The following DIAPH1 variants were observed in gnomAD, a reference collection of about 807,000 sequenced individuals.
The protein encoded by DIAPH1 is protein diaphanous homolog 1.
DIAPH1 carries 46 observed loss-of-function variants against 140.7 expected under a neutral mutation model. The ratio of observed to expected loss-of-function variants is 0.33; its 90% CI spans 0.26 to 0.42. The LOEUF (loss-of-function observed/expected upper bound fraction) is 0.42. Ranked by LOEUF, DIAPH1 falls within the 10% of genes least tolerant of loss-of-function variation. The probability of loss-of-function intolerance (pLI) is 1.00; values close to 1 mark genes in which losing one functional copy is unlikely to be tolerated. For missense variants in DIAPH1, 1,310 were observed against 1,558.7 expected (o/e 0.84, Z 2.69); for synonymous variants, 565 against 551.6 (o/e 1.02, Z -0.34).
At chr5:141,587,330 T>C (rs906828460) in intron 2 of DIAPH1, 133 bp from the exon 3 acceptor site, 2 of 871,612 alleles carry the variant, frequency 2.3e-6, no homozygotes, top group African/African-American at 3.3e-5. Context: ...AAGACTCTTC[T>C]GACATGAAAA....
chr5:141,592,081 CAAA>C (rs1169137676), intron 1 of DIAPH1, among the ~76,000 whole-genome samples: 1,051 of 86,896 alleles, frequency 0.012, 14 homozygotes, highest in African/African-American at 0.044. Context: ...GACTCTGTAT[CAAA>C]AAAAAAAAAA....
chr5:141,575,128 C>A lies in DIAPH1; in HGVS notation c.1480G>T (p.Ala494Ser), dbSNP rs2099895764. The change falls in exon 15 of 28, where the codon GCC becomes TCC. Residue 494 changes from alanine (A) to serine (S), a missense_variant. Ala to Ser is a moderately conservative substitution (Grantham distance 99). This residue lies in a region of DIAPH1 where 589 missense variants were observed against 549.3 expected (regional missense o/e 1.07). Transcript: ENST00000389054. Reference sequence around the variant, plus strand: ...ATTTCCACCTGTAGCTCATGTCGGGCTGTTAACTCTGAGTCCAACTAGAGA... The same window carrying A: ...ATTTCCACCTGTAGCTCATGTCGGGATGTTAACTCTGAGTCCAACTAGAGA... ...LEKKLDSELTARHELQVEMKK... is the reference protein window; with the variant it reads ...LEKKLDSELTSRHELQVEMKK... The A allele has an allele frequency of 1.9e-6, 3 of 1,614,216 alleles. No individual in the cohort carries two copies. The highest frequency in any genetic ancestry group is 1.1e-5 in the South Asian group (1 of 91,082).
At chr5:141,539,158 T>C (rs1007273114) in intron 18 of DIAPH1, among the ~76,000 whole-genome samples, 11 of 151,876 alleles carry the variant, frequency 7.2e-5, no homozygotes, top group African/African-American at 2.4e-4. Flanking sequence ...ACACCTGTAA[T>C]CCTAGCTATT....
intron 18 of DIAPH1, among the ~76,000 whole-genome samples, chr5:141,543,768 A>G (rs2099890364): frequency 6.6e-6 from 1 of 152,228 alleles, no homozygotes; most frequent in Non-Finnish European, 1.5e-5. Flanking sequence ...ATTCTATTGT[A>G]AGTCAAGGAG....
At chr5:141,555,151 G>A (rs2099892372) in intron 18 of DIAPH1, among the ~76,000 whole-genome samples, 1 of 152,214 alleles carries the variant, frequency 6.6e-6, no homozygotes, top group Non-Finnish European at 1.5e-5. Flanking sequence ...TTACAACCAT[G>A]TAAATGCTAT....
At chr5:141,517,131 CCTTACTTTGAAGA>C in intron 27 of DIAPH1, 123 bp from the exon 28 acceptor site, 3 of 1,113,184 alleles carry the variant, frequency 2.7e-6, no homozygotes, top group Non-Finnish European at 3.9e-6. Flanking sequence ...TCACAGAGGC[CCTTACTTTGAAGA>C]AAGGGGCAGA....
chr5:141,616,925 G>A (rs952377099), intron 1 of DIAPH1, among the ~76,000 whole-genome samples: 3 of 152,132 alleles, frequency 2.0e-5, no homozygotes, highest in African/African-American at 7.2e-5. Context: ...AGGTGAAAAG[G>A]GGTTGAGCTT....
chr5:141,586,971 T>A, intron 3 of DIAPH1, 71 bp downstream of exon 3: 2 of 1,525,098 alleles, frequency 1.3e-6, no homozygotes, highest in Non-Finnish European at 1.8e-6. Context: ...TTGGGAATTA[T>A]GCACCAAAAA....
chr5:141,522,871 G>A (rs1476315495), intron 27 of DIAPH1, among the ~76,000 whole-genome samples: 7 of 152,118 alleles, frequency 4.6e-5, no homozygotes, highest in South Asian at 2.1e-4. Flanking sequence ...ACTTTGACTC[G>A]GGAGCTTTCA....
At chr5:141,574,521 T>A (rs1596379997) in intron 15 of DIAPH1, among the ~76,000 whole-genome samples, 1 of 152,332 alleles carries the variant, frequency 6.6e-6, no homozygotes, top group East Asian at 1.9e-4. Context: ...ATATAACTAA[T>A]ATATGTGCTA....
At chr5:141,529,763 AAACC>A in intron 19 of DIAPH1, 66 bp from the exon 20 acceptor site, 6 of 1,383,748 alleles carry the variant, frequency 4.3e-6, no homozygotes, top group Non-Finnish European at 6.2e-6. Flanking sequence ...CCCATCCTGC[AAACC>A]TATGCTGGAT....
chr5:141,519,521 G>A (rs1401320948), intron 27 of DIAPH1, among the ~76,000 whole-genome samples: 1 of 152,206 alleles, frequency 6.6e-6, no homozygotes, highest in East Asian at 1.9e-4. Flanking sequence ...GTCTTTAGCT[G>A]CTGCTTTCTG....
At chr5:141,554,471 T>C (rs2099892245) in intron 18 of DIAPH1, among the ~76,000 whole-genome samples, 2 of 152,132 alleles carry the variant, frequency 1.3e-5, no homozygotes, top group African/African-American at 4.8e-5. Context: ...TACCAGCTAT[T>C]ATTTCAAACA....
In DIAPH1 at chr5:141,574,988, C is replaced by G; in HGVS notation, c.1620G>C (p.Glu540Asp). 1 of 1,614,138 alleles carries G rather than the reference C, an allele frequency of 6.2e-7. No individual in the cohort carries two copies. Among genetic ancestry groups the G allele is most frequent in the Non-Finnish European group, 8.5e-7 (1 of 1,180,020 alleles). ...TTACCTCTCCTGTGAGCTGGGACAC[C>G]TCTGCTTCCAGGTCCTGTTTCTCTG... is the stretch of plus-strand genomic sequence containing the variant. ...IATEKQDLEA[E>D]VSQLTGEVAK... is the part of the protein sequence containing the mutation. The change falls in exon 15 of 28, where the codon GAG becomes GAC. Residue 540 changes from glutamate to aspartate, a missense_variant. Coordinates refer to ENST00000389054, the MANE Select transcript of DIAPH1 (RefSeq NM_005219.5).
At chr5:141,579,039 G>A (rs372793396) in intron 9 of DIAPH1, 49 bp downstream of exon 9, 50 of 1,344,326 alleles carry the variant, frequency 3.7e-5, no homozygotes, top group Non-Finnish European at 5.1e-5. Context: ...ATTTAAGTCT[G>A]TCCATCTTGA....
rs2099887729 is a variant in DIAPH1 at position 141,528,540 on chromosome 5, G to A, written c.3061C>T (p.His1021Tyr). 1 of 1,614,210 alleles carries A rather than the reference G, an allele frequency of 6.2e-7. No individual in the cohort carries two copies. Among genetic ancestry groups the A allele is most frequent in the Non-Finnish European group, 8.5e-7 (1 of 1,180,034 alleles). ...KSTDQKMTLL[H>Y]FLAELCENDY... ...TTCTCACACAACTCAGCCAAGAAGTGTAACAACGTCATCTTCTGATCTGTG... is the reference window on the plus strand; with the variant it reads ...TTCTCACACAACTCAGCCAAGAAGTATAACAACGTCATCTTCTGATCTGTG... The change falls in exon 23 of 28, where the codon CAC becomes TAC. Residue 1021 changes from histidine to tyrosine, a missense_variant. Around this residue, in one of 3 missense-constraint regions of DIAPH1, gnomAD observed 344 missense variants for 512.2 expected, o/e 0.67. Coordinates refer to ENST00000389054, the MANE Select transcript of DIAPH1 (RefSeq NM_005219.5).
intron 1 of DIAPH1, among the ~76,000 whole-genome samples, chr5:141,604,232 T>C (rs2099900596): frequency 6.6e-6 from 1 of 152,208 alleles, no homozygotes; most frequent in Non-Finnish European, 1.5e-5. Context: ...AAGCAAAGCT[T>C]CCTTCCTTTC....
chr5:141,574,190 C>G lies in DIAPH1; in HGVS notation c.1660G>C (p.Glu554Gln), dbSNP rs1647348055. The change falls in exon 16 of 28, where the codon GAA becomes CAA. Residue 554 changes from glutamate to glutamine, a missense_variant. Transcript: ENST00000389054. ...ATTTCTTTCTTGGCATCTTCCAGTT[C>G]CTTTGTCAGCTTGGCAACCTACAGA... ...LTGEVAKLTK[E>Q]LEDAKKEMAS... The G allele has an allele frequency of 6.2e-7, 1 of 1,613,988 alleles. No individual in the cohort carries two copies. The highest frequency in any genetic ancestry group is 8.5e-7 in the Non-Finnish European group (1 of 1,180,042).
chr5:141,615,027 T>C (rs1216529218), intron 1 of DIAPH1, among the ~76,000 whole-genome samples: 1 of 152,232 alleles, frequency 6.6e-6, no homozygotes, highest in Admixed American at 6.5e-5. Flanking sequence ...AGTCTACTAC[T>C]AAACATTTAT....
Sources: allele counts gnomAD v4.1 joint callset (sites outside exome capture counted in the v4.1 genomes callset), GRCh38; gene constraint gnomAD v4.1.1; regional missense constraint gnomAD v4.1.1; transcripts MANE v1.5; gene names NCBI Gene and HGNC (gene_info 2026-07-23, HGNC 2026-07-21).